CNTNAP2: variants seen among roughly 807,000 people sequenced by gnomAD.
The protein encoded by CNTNAP2 is contactin-associated protein-like 2.
A neutral mutation model predicts 155.2 loss-of-function variants in CNTNAP2; 98 were observed. The observed-to-expected ratio is 0.63, with a 90% confidence interval of 0.54 to 0.75. The LOEUF is 0.75. Among genes scored for constraint, CNTNAP2 ranks in the 30% least tolerant of loss-of-function variants. The pLI is 0.00. For missense variants in CNTNAP2, 1,727 were observed against 1,688.1 expected (o/e 1.02, Z -0.40); for synonymous variants, 651 against 631.2 (o/e 1.03, Z -0.47).
At chr7:148,081,180 G>A (rs1803596496) in intron 15 of CNTNAP2, among the ~76,000 whole-genome samples, 1 of 152,214 alleles carries the variant, frequency 6.6e-6, no homozygotes, top group South Asian at 2.1e-4. Flanking sequence ...GTAGGCCACT[G>A]TGTACTGGAA....
intron 1 of CNTNAP2, among the ~76,000 whole-genome samples, chr7:146,534,538 G>T (rs903889287): frequency 6.6e-6 from 1 of 152,050 alleles, no homozygotes; most frequent in African/African-American, 2.4e-5. Context: ...GACCCTATGC[G>T]TAGAAAAGTT....
Position 146,172,713 on chromosome 7 carries a change from C to T in CNTNAP2, c.97+55740C>T, listed in dbSNP as rs139743205. The stretch of plus-strand genomic sequence containing the variant: ...AGGAATCTTGTAATTAATTAGCAAC[C>T]ATGTGTAGTACAGTGTTAACACTTG... On this transcript the variant is annotated intron_variant, in intron 1 of 23. Transcript: ENST00000361727. 3.5e-4 allele frequency among the ~76,000 whole-genome samples: 53 copies of T among 152,124 alleles called. 1 individual carries two copies. The highest frequency in any genetic ancestry group is 1.2e-3 in the African/African-American group (51 of 41,504).
chr7:147,783,807 C>T (rs866630472), intron 13 of CNTNAP2, among the ~76,000 whole-genome samples: 2 of 152,308 alleles, frequency 1.3e-5, no homozygotes, highest in Middle Eastern at 6.8e-3. Context: ...AAGAAGGCTG[C>T]TGTCTGTGCA....
rs75635601 is a variant in CNTNAP2, at chr7:148,275,436, C to T, written c.3475+8310C>T. Among the ~76,000 whole-genome samples the T allele has an allele frequency of 9.4e-4, 143 of 152,226 alleles. 2 individuals are homozygous for T. In the East Asian group the frequency reaches 0.019, roughly 21 times the overall value. On this transcript the variant is annotated intron_variant, in intron 21 of 23. Coordinates refer to ENST00000361727, the MANE Select transcript of CNTNAP2 (RefSeq NM_014141.6). ...GTAAAGCAATGGGCTGAAGTAGAGG[C>T]CATAAGGGCGGGGGAGGTCAGTTCT...
intron 19 of CNTNAP2, among the ~76,000 whole-genome samples, chr7:148,219,570 A>G (rs534881547): frequency 6.6e-6 from 1 of 152,154 alleles, no homozygotes; most frequent in East Asian, 1.9e-4. Context: ...GAAGGTGCAC[A>G]CTTGTGGTCT....
intron 1 of CNTNAP2, among the ~76,000 whole-genome samples, chr7:146,702,446 G>A (rs1373730121): frequency 1.3e-5 from 2 of 152,152 alleles, no homozygotes; most frequent in Non-Finnish European, 2.9e-5. Context: ...ATCTAGAAAT[G>A]TTTTTAAATA....
chr7:148,179,590 A>G (rs1795000573), intron 18 of CNTNAP2, among the ~76,000 whole-genome samples: 1 of 135,400 alleles, frequency 7.4e-6, no homozygotes, highest in Non-Finnish European at 1.6e-5. Flanking sequence ...TGCGGGGGAG[A>G]GAGAGGGAGG....
intron 1 of CNTNAP2, among the ~76,000 whole-genome samples, chr7:146,350,164 A>G (rs1245106050): frequency 6.6e-6 from 1 of 152,040 alleles, no homozygotes; most frequent in Non-Finnish European, 1.5e-5. Flanking sequence ...GGCTTTGTTC[A>G]TTTCTTTTTA....
At chr7:146,896,372 C>T (rs1218279303) in intron 3 of CNTNAP2, among the ~76,000 whole-genome samples, 1 of 152,084 alleles carries the variant, frequency 6.6e-6, no homozygotes, top group African/African-American at 2.4e-5. Flanking sequence ...CTTATTATCT[C>T]CACTAGGCAG....
chr7:146,831,143 A>T (rs1430024247), intron 2 of CNTNAP2, among the ~76,000 whole-genome samples: 1 of 152,150 alleles, frequency 6.6e-6, no homozygotes, highest in African/African-American at 2.4e-5. Context: ...ACCAGACCCC[A>T]TTCATCTTTT....
chr7:147,891,592 T>G (rs2116731898), intron 13 of CNTNAP2, among the ~76,000 whole-genome samples: 1 of 151,802 alleles, frequency 6.6e-6, no homozygotes, highest in South Asian at 2.1e-4. Flanking sequence ...TTAGTAGAAA[T>G]GAAGAAAAGG....
In CNTNAP2 at chr7:147,044,068, T is replaced by A; in HGVS notation, c.550+14T>A. ...GCTGTTCTTACTGTGAGTATCGTAT[T>A]GTTTAAATTTGTGGCAGGTTTTATC... On this transcript the variant is annotated intron_variant, in intron 4 of 23. Transcript: ENST00000361727. 6.2e-7 allele frequency: 1 copy of A among 1,614,018 alleles called. No homozygotes were observed.
chr7:146,186,975 C>G (rs551632522), intron 1 of CNTNAP2, among the ~76,000 whole-genome samples: 1 of 152,248 alleles, frequency 6.6e-6, no homozygotes, highest in South Asian at 2.1e-4. Flanking sequence ...CGTTTCTATC[C>G]TCTTTCTTCC....
intron 14 of CNTNAP2, among the ~76,000 whole-genome samples, chr7:147,970,687 T>C (rs1801317007): frequency 6.6e-6 from 1 of 152,244 alleles, no homozygotes; most frequent in Non-Finnish European, 1.5e-5. Flanking sequence ...GATTTAATGC[T>C]AAAAATGTTG....
chr7:146,969,025 G>A lies in CNTNAP2; in HGVS notation c.403-74882G>A, dbSNP rs1291365389. On this transcript the variant is annotated intron_variant, in intron 3 of 23. Coordinates refer to ENST00000361727, the MANE Select transcript of CNTNAP2 (RefSeq NM_014141.6). ...GGTATGTTCTGTCTTTGTTCTCGTTGGTTTCAAAGAACATCTTTATTTCTG... is the reference window on the plus strand; with the variant it reads ...GGTATGTTCTGTCTTTGTTCTCGTTAGTTTCAAAGAACATCTTTATTTCTG... 2.7e-5 allele frequency among the ~76,000 whole-genome samples: 4 copies of A among 149,504 alleles called. No individual in the cohort carries two copies. The East Asian group carries it at 7.8e-4, about 29-fold the overall frequency.
At chr7:147,747,123 C>T (rs1584935073) in intron 13 of CNTNAP2, among the ~76,000 whole-genome samples, 1 of 152,322 alleles carries the variant, frequency 6.6e-6, no homozygotes, top group East Asian at 1.9e-4. Context: ...TCCACATGAA[C>T]TCACCGACCG....
intron 1 of CNTNAP2, among the ~76,000 whole-genome samples, chr7:146,365,299 G>C (rs1795139666): frequency 1.3e-5 from 2 of 152,126 alleles, no homozygotes; most frequent in Admixed American, 6.6e-5. Context: ...AGGACCCTCA[G>C]CAGGGCCCAC....
intron 3 of CNTNAP2, among the ~76,000 whole-genome samples, chr7:146,955,238 T>C (rs1192008716): frequency 6.6e-6 from 1 of 152,002 alleles, no homozygotes; most frequent in East Asian, 1.9e-4. Context: ...TTGCCAAGCA[T>C]TTGCTGTTAG....
rs560190468 is a variant in CNTNAP2, at chr7:146,932,543, C to G, written c.402+92639C>G. ...AACTGGCACAAGACAGGGATGCCCT[C>G]TCTCACCACTCCTATTCAACATAGT... On this transcript the variant is annotated intron_variant, in intron 3 of 23. Coordinates refer to ENST00000361727, the MANE Select transcript of CNTNAP2 (RefSeq NM_014141.6). Among the ~76,000 whole-genome samples, 80 of 152,256 alleles carry G rather than the reference C, an allele frequency of 5.3e-4. 1 individual carries two copies. Among genetic ancestry groups the G allele is most frequent in the African/African-American group, 1.8e-3 (75 of 41,532 alleles).
Sources: gnomAD v4.1 joint callset for allele counts (sites outside exome capture counted in the v4.1 genomes callset) on GRCh38, gnomAD v4.1.1 for gene constraint, MANE v1.5 for transcripts, NCBI Gene and HGNC (gene_info 2026-07-23, HGNC 2026-07-21) for gene names.